Variants in HSPBAP1 observed in about 807,000 individuals in gnomAD.
HSPBAP1 encodes HSPB1 associated protein 1, also known as HSPB1-associated protein 1.
HSPBAP1 carries 27 observed loss-of-function variants against 45.2 expected under a neutral mutation model. The ratio of observed to expected loss-of-function variants is 0.60; its 90% CI spans 0.44 to 0.82. The LOEUF (loss-of-function observed/expected upper bound fraction) is 0.82. Among genes scored for constraint, HSPBAP1 ranks in the 40% least tolerant of loss-of-function variants. The probability of loss-of-function intolerance (pLI) is 0.00; values close to 1 mark genes in which losing one functional copy is unlikely to be tolerated. For missense variants in HSPBAP1, 510 were observed against 590.9 expected (o/e 0.86, Z 1.42); for synonymous variants, 204 against 202.7 (o/e 1.01, Z -0.06).
At chr3:122,783,546 G>A (rs1347411614) in intron 1 of HSPBAP1, among the ~76,000 whole-genome samples, 2 of 152,176 alleles carry the variant, frequency 1.3e-5, no homozygotes, top group African/African-American at 4.8e-5. Context: ...ATACAAACAT[G>A]ATTCAGTACT....
At chr3:122,759,139 C>T (rs1486448521) in intron 4 of HSPBAP1, 85 bp downstream of exon 4, 1 of 1,493,070 alleles carries the variant, frequency 6.7e-7, no homozygotes, top group African/African-American at 1.4e-5. Flanking sequence ...TGGGGTATTG[C>T]CCTATTCTCT....
In HSPBAP1 at chr3:122,780,519, C is replaced by T. The variant is rs557070840; in HGVS notation, c.65-2613G>A. 7.1e-3 allele frequency among the ~76,000 whole-genome samples: 969 copies of T among 136,328 alleles called. 31 individuals are homozygous for T. Among genetic ancestry groups the T allele is most frequent in the Non-Finnish European group, 0.012 (774 of 64,716 alleles). 89.4% of individuals were successfully genotyped at this position (136,328 alleles called of 152,430 possible). On this transcript the variant is annotated intron_variant, in intron 1 of 7. Transcript: ENST00000306103. The stretch of plus-strand genomic sequence containing the variant: ...GGCCGGGCGGGGGCTGACCCCCCCA[C>T]CTCCCTCCCGGACGGGGCGGCTGGC...
At chr3:122,772,907 G>A (rs75739354) in intron 2 of HSPBAP1, among the ~76,000 whole-genome samples, 4,915 of 152,084 alleles carry the variant, frequency 0.032, 110 homozygotes, top group Middle Eastern at 0.079. Context: ...TGCCCAGGCT[G>A]GAGGGCAGTG....
At chr3:122,764,764 G>A (rs1934717278) in intron 3 of HSPBAP1, among the ~76,000 whole-genome samples, 1 of 152,146 alleles carries the variant, frequency 6.6e-6, no homozygotes, top group African/African-American at 2.4e-5. Flanking sequence ...GACTCATTAG[G>A]TAAGAATGAC....
chr3:122,760,589 C>T (rs1003587231), intron 3 of HSPBAP1, among the ~76,000 whole-genome samples: 2 of 151,490 alleles, frequency 1.3e-5, no homozygotes, highest in African/African-American at 4.9e-5. Flanking sequence ...TGGCTGAATA[C>T]GTGCACATAA....
Position 122,747,658 on chromosome 3 carries a change from CCGCCCCG to C in HSPBAP1, c.825+4926_825+4932del, listed in dbSNP as rs1560110373. Among the ~76,000 whole-genome samples the C allele has an allele frequency of 5.3e-4, 77 of 146,620 alleles. 1 individual carries two copies. The highest frequency in any genetic ancestry group is 7.5e-4 in the Non-Finnish European group (50 of 66,380). On this transcript the variant is annotated intron_variant, in intron 6 of 7. Transcript: ENST00000306103. ...GGGGGTCAGCCCCCCGCCCGGCCAG[CCGCCCCG>C]TCCGGGAGGTGAGGGGCGCCTCTGC...
intron 2 of HSPBAP1, among the ~76,000 whole-genome samples, chr3:122,776,746 A>C (rs1935204600): frequency 6.6e-6 from 1 of 152,220 alleles, no homozygotes; most frequent in South Asian, 2.1e-4. Context: ...GATGACAAAG[A>C]GTTCCAGGTA....
intron 6 of HSPBAP1, among the ~76,000 whole-genome samples, chr3:122,745,626 C>T (rs1454126061): frequency 6.6e-6 from 1 of 152,206 alleles, no homozygotes; most frequent in Non-Finnish European, 1.5e-5. Context: ...GCTCAGTGAT[C>T]AGATCACTGT....
Position 122,793,638 on chromosome 3 carries a change from C to A in HSPBAP1, c.43G>T (p.Ala15Ser). The change falls in exon 1 of 8, where the codon GCT (alanine) becomes TCT (serine). Residue 15 changes from alanine to serine, a missense_variant. Ala to Ser is a moderately conservative substitution (Grantham distance 99). Coordinates refer to ENST00000306103, the MANE Select transcript of HSPBAP1 (RefSeq NM_024610.6). Reference protein sequence around the residue: ...SEATTPVIVAAGAGGEEGEHV... With the variant: ...SEATTPVIVASGAGGEEGEHV... The stretch of plus-strand genomic sequence containing the variant: ...CTACCTTCCTCCCCTCCAGCCCCAG[C>A]CGCAACGATCACAGGAGTGGTCGCC... 1 of 1,613,984 alleles carries A rather than the reference C, an allele frequency of 6.2e-7. No homozygotes were observed. Among genetic ancestry groups the A allele is most frequent in the South Asian group, 1.1e-5 (1 of 91,088 alleles).
rs1176468215 is a variant in HSPBAP1 at position 122,748,872 on chromosome 3, G to T, written c.825+3719C>A. Among the ~76,000 whole-genome samples the T allele has an allele frequency of 2.0e-5, 3 of 152,102 alleles. No homozygotes were observed. The East Asian group carries it at 5.8e-4, about 29-fold the overall frequency. ...CTTAAAGGAACTAATGAACAGTAGA[G>T]CACCCATACAGTGAAGTACTAGACA... On this transcript the variant is annotated intron_variant, in intron 6 of 7. Coordinates refer to ENST00000306103, the MANE Select transcript of HSPBAP1 (RefSeq NM_024610.6).
At chr3:122,750,234 A>C (rs1180125527) in intron 6 of HSPBAP1, among the ~76,000 whole-genome samples, 1 of 152,208 alleles carries the variant, frequency 6.6e-6, no homozygotes, top group Non-Finnish European at 1.5e-5. Context: ...CGGCCTCCCA[A>C]AGTGCTGGGA....
At chr3:122,778,353 A>C (rs1427708160) in intron 1 of HSPBAP1, among the ~76,000 whole-genome samples, 1 of 151,756 alleles carries the variant, frequency 6.6e-6, no homozygotes, top group Non-Finnish European at 1.5e-5. Context: ...TTTGGAAAAT[A>C]CTGAAAAGAA....
chr3:122,778,598 C>T (rs1211295433), intron 1 of HSPBAP1, among the ~76,000 whole-genome samples: 6 of 151,042 alleles, frequency 4.0e-5, no homozygotes, highest in African/African-American at 1.5e-4. Flanking sequence ...GATGCGATCT[C>T]GGCTCACTGC....
intron 1 of HSPBAP1, among the ~76,000 whole-genome samples, chr3:122,789,435 G>A (rs902649375): frequency 3.9e-5 from 6 of 152,200 alleles, no homozygotes; most frequent in African/African-American, 1.4e-4. Context: ...ATCTATGTAT[G>A]ATTCTGAGAG....
intron 5 of HSPBAP1, chr3:122,754,771 G>C (rs563903639): frequency 7.3e-5 from 72 of 985,894 alleles, no homozygotes; most frequent in Middle Eastern, 1.0e-3. Flanking sequence ...TTCAGAGTTA[G>C]TAATTTATGA....
chr3:122,788,356 G>T (rs1287870376), intron 1 of HSPBAP1, among the ~76,000 whole-genome samples: 1 of 152,084 alleles, frequency 6.6e-6, no homozygotes, highest in Non-Finnish European at 1.5e-5. Flanking sequence ...TTTTTGCAAC[G>T]TACCTCCAAA....
intron 2 of HSPBAP1, among the ~76,000 whole-genome samples, chr3:122,774,189 A>C (rs969952175): frequency 4.6e-5 from 7 of 152,236 alleles, no homozygotes; most frequent in African/African-American, 1.7e-4. Flanking sequence ...GTAATTATAC[A>C]ACCATGTGAT....
At chr3:122,755,458 C>A (rs6794019) in intron 4 of HSPBAP1, 27 bp from the exon 5 acceptor site, 876,442 of 1,366,270 alleles carry the variant, frequency 0.64, 278,637 homozygotes, top group Non-Finnish European at 0.68. Context: ...AAAAAAGATA[C>A]AAGTTAGTAC....
At chr3:122,757,279 C>T (rs1362139340) in intron 4 of HSPBAP1, among the ~76,000 whole-genome samples, 1 of 152,178 alleles carries the variant, frequency 6.6e-6, no homozygotes, top group African/African-American at 2.4e-5. Context: ...GGGGACTCAA[C>T]CTACCTGCCT....
Sources: allele counts gnomAD v4.1 joint callset (sites outside exome capture counted in the v4.1 genomes callset), GRCh38; gene constraint gnomAD v4.1.1; transcripts MANE v1.5; gene names NCBI Gene and HGNC (gene_info 2026-07-23, HGNC 2026-07-21).